The following LARGE1 variants were observed in gnomAD, a reference collection of about 807,000 sequenced individuals.
The protein encoded by LARGE1 is LARGE xylosyl- and glucuronyltransferase 1, also known as xylosyl- and glucuronyltransferase LARGE1.
LARGE1 carries 43 observed loss-of-function variants against 87.6 expected under a neutral mutation model. That is an observed-to-expected ratio of 0.49 (90% CI 0.38 to 0.63). The LOEUF is 0.63. LARGE1 is among the 30% of genes least tolerant of loss of function. The pLI, the probability that LARGE1 is intolerant of heterozygous loss-of-function variation, is 0.00. For missense variants in LARGE1, 802 were observed against 1,000.2 expected, an observed-to-expected ratio of 0.80 and a Z score of 2.67; for synonymous variants, 434 against 394.6, an observed-to-expected ratio of 1.10 and a Z score of -1.18.
At chr22:33,191,543 A>G (rs1255446671) in intron 11 of LARGE1, among the ~76,000 whole-genome samples, 1 of 89,666 alleles carries the variant, frequency 1.1e-5, no homozygotes, top group Non-Finnish European at 2.5e-5. Flanking sequence ...GTGAGATCAG[A>G]TAAATTTAGA....
At chr22:33,140,654 A>T in the LARGE1 span, among the ~76,000 whole-genome samples, 1 of 152,184 alleles carries the variant, frequency 6.6e-6, no homozygotes, top group African/African-American at 2.4e-5. Flanking sequence ...GCTCTCGAAC[A>T]TCAGACTCCA....
intron 6 of LARGE1, among the ~76,000 whole-genome samples, chr22:33,529,163 TTAAA>T (rs1292430572): frequency 3.3e-5 from 5 of 152,242 alleles, no homozygotes; most frequent in African/African-American, 9.6e-5. Flanking sequence ...GGAAGGGACT[TTAAA>T]GCTTATCTTG....
chr22:33,810,823 A>G (rs764066320), intron 1 of LARGE1, among the ~76,000 whole-genome samples: 7 of 151,704 alleles, frequency 4.6e-5, no homozygotes, highest in Non-Finnish European at 1.0e-4. Flanking sequence ...TCCCGGGTTC[A>G]AGCAATTTCC....
At chr22:33,117,082 C>T in the LARGE1 span, among the ~76,000 whole-genome samples, 1 of 152,208 alleles carries the variant, frequency 6.6e-6, no homozygotes, top group Non-Finnish European at 1.5e-5. Context: ...CTCTGAGTCT[C>T]ATGTCTACTG....
chr22:33,413,203 A>G (rs2066372598), intron 7 of LARGE1, among the ~76,000 whole-genome samples: 1 of 152,208 alleles, frequency 6.6e-6, no homozygotes, highest in South Asian at 2.1e-4. Context: ...CAGATTCACT[A>G]GTAACTGGCA....
At chr22:33,843,551 G>A (rs915635344) in intron 1 of LARGE1, among the ~76,000 whole-genome samples, 1 of 151,874 alleles carries the variant, frequency 6.6e-6, no homozygotes, top group Non-Finnish European at 1.5e-5. Flanking sequence ...TGCATATGGG[G>A]GTTTATTCAA....
intron 2 of LARGE1, among the ~76,000 whole-genome samples, chr22:33,710,563 G>T (rs1383004420): frequency 6.6e-6 from 1 of 152,206 alleles, no homozygotes; most frequent in Non-Finnish European, 1.5e-5. Context: ...GAGAGTTCCT[G>T]GGGGACCACA....
chr22:33,090,111 C>T, the LARGE1 span, among the ~76,000 whole-genome samples: 1 of 152,086 alleles, frequency 6.6e-6, no homozygotes, highest in Non-Finnish European at 1.5e-5. Context: ...GAGGCTGAGA[C>T]AGGGAATTGC....
Position 33,785,304 on chromosome 22 carries a change from T to TAC in LARGE1, c.-82-23748_-82-23747dup, listed in dbSNP as rs1001904448. On this transcript the variant is annotated intron_variant, in intron 1 of 14. Transcript: ENST00000397394. ...ATATACGTATATATGTGTATATATATACACACACACCCCACTTAAATTAGC... is the reference window on the plus strand; with the variant it reads ...ATATACGTATATATGTGTATATATATACACACACACACCCCACTTAAATTAGC... 6.6e-5 allele frequency among the ~76,000 whole-genome samples: 10 copies of TAC among 152,092 alleles called. No individual in the cohort carries two copies. In the South Asian group the frequency reaches 8.3e-4, roughly 13 times the overall value.
At chr22:33,815,806 G>A (rs1228673525) in intron 1 of LARGE1, among the ~76,000 whole-genome samples, 2 of 152,208 alleles carry the variant, frequency 1.3e-5, no homozygotes, top group Admixed American at 1.3e-4. Flanking sequence ...AGAGCCCTGT[G>A]AGTGTGCAGT....
intron 9 of LARGE1, among the ~76,000 whole-genome samples, chr22:33,361,221 A>G (rs928621846): frequency 6.7e-6 from 1 of 148,594 alleles, no homozygotes; most frequent in Admixed American, 6.7e-5. Flanking sequence ...AAATAATAAT[A>G]ATAAATAAAT....
At chr22:33,612,064 T>A (rs1455270042) in intron 4 of LARGE1, among the ~76,000 whole-genome samples, 1 of 152,178 alleles carries the variant, frequency 6.6e-6, no homozygotes, top group Non-Finnish European at 1.5e-5. Context: ...TGTGAGCCAA[T>A]TAAATCTCTT....
At chr22:33,492,925 C>G (rs952402263) in intron 6 of LARGE1, among the ~76,000 whole-genome samples, 2 of 152,166 alleles carry the variant, frequency 1.3e-5, no homozygotes, top group African/African-American at 4.8e-5. Context: ...CAATGCGCAC[C>G]CTGTTTTGAA....
At chr22:33,553,277 G>A (rs527409891) in intron 6 of LARGE1, among the ~76,000 whole-genome samples, 2 of 152,218 alleles carry the variant, frequency 1.3e-5, no homozygotes, top group East Asian at 1.9e-4. Context: ...AAGCTGAGGC[G>A]GGAGGATCGC....
chr22:33,396,210 T>C (rs898855687), intron 7 of LARGE1, among the ~76,000 whole-genome samples: 5 of 152,240 alleles, frequency 3.3e-5, no homozygotes, highest in African/African-American at 4.8e-5. Flanking sequence ...GAAATGCTGA[T>C]AAAAATCACC....
rs536147138 is a variant in LARGE1 at position 33,494,748 on chromosome 22, C to T, written c.788-62483G>A. ...AAAGCCACTAGGTTACTTGGCATCTCTGTCACAGCTAGGATGAGAAATCTG... is the reference window on the plus strand; with the variant it reads ...AAAGCCACTAGGTTACTTGGCATCTTTGTCACAGCTAGGATGAGAAATCTG... On this transcript the variant is annotated intron_variant, in intron 6 of 14. Coordinates refer to ENST00000397394, the MANE Select transcript of LARGE1 (RefSeq NM_133642.5). Among the ~76,000 whole-genome samples, 9 of 152,350 alleles carry T rather than the reference C, an allele frequency of 5.9e-5. 1 individual carries two copies. In the South Asian group the frequency reaches 1.9e-3, roughly 32 times the overall value.
chr22:33,601,666 C>T (rs1301480005), intron 5 of LARGE1, among the ~76,000 whole-genome samples: 1 of 152,036 alleles, frequency 6.6e-6, no homozygotes, highest in Non-Finnish European at 1.5e-5. Flanking sequence ...GTGAGAGAGA[C>T]AGGTGGTTAA....
At chr22:33,496,864 C>T (rs2070147822) in intron 6 of LARGE1, among the ~76,000 whole-genome samples, 2 of 150,686 alleles carry the variant, frequency 1.3e-5, no homozygotes, top group African/African-American at 2.4e-5. Context: ...GTTCTCTTGC[C>T]TATCAGGAAG....
At chr22:33,704,266 G>A (rs1188578859) in intron 2 of LARGE1, among the ~76,000 whole-genome samples, 1 of 152,226 alleles carries the variant, frequency 6.6e-6, no homozygotes, top group Non-Finnish European at 1.5e-5. Context: ...ATGCATACAT[G>A]TATCTGCAGG....
Sources: gnomAD v4.1 joint callset for allele counts (sites outside exome capture counted in the v4.1 genomes callset) on GRCh38, gnomAD v4.1.1 for gene constraint, MANE v1.5 for transcripts, NCBI Gene and HGNC (gene_info 2026-07-23, HGNC 2026-07-21) for gene names.